NRXN1: variants seen among roughly 807,000 people sequenced by gnomAD.
NRXN1 encodes the protein neurexin-1.
In NRXN1, 39 loss-of-function variants were observed where a neutral mutation model predicts 150.9. That is an observed-to-expected ratio of 0.26 (90% CI 0.20 to 0.34). The LOEUF is 0.34. Ranked by LOEUF, NRXN1 falls within the 10% of genes least tolerant of loss-of-function variation. The probability of loss-of-function intolerance (pLI) is 1.00; values close to 1 mark genes in which losing one functional copy is unlikely to be tolerated. For missense variants in NRXN1, 1,815 were observed against 1,949.9 expected (o/e 0.93, Z 1.30); for synonymous variants, 924 against 757.0 (o/e 1.22, Z -3.62).
At chr2:50,971,899 C>T (rs1487286222) in intron 2 of NRXN1, among the ~76,000 whole-genome samples, 1 of 152,132 alleles carries the variant, frequency 6.6e-6, no homozygotes, top group African/African-American at 2.4e-5. Context: ...CCATTGCTTA[C>T]TCTACCAGTT....
chr2:50,475,727 T>C (rs2089934444), intron 15 of NRXN1, among the ~76,000 whole-genome samples: 1 of 152,068 alleles, frequency 6.6e-6, no homozygotes, highest in South Asian at 2.1e-4. Context: ...TATAAACTCT[T>C]TGATATAGCA....
intron 17 of NRXN1, among the ~76,000 whole-genome samples, chr2:50,330,381 C>T (rs1316007094): frequency 1.3e-5 from 2 of 152,016 alleles, no homozygotes; most frequent in Admixed American, 6.6e-5. Context: ...TTAAAGAGTT[C>T]GACAGAAAGA....
In NRXN1 at chr2:50,497,536, C is replaced by T; in HGVS notation, c.2676G>A (p.Glu892=). 6.2e-7 allele frequency: 1 copy of T among 1,613,874 alleles called. No homozygotes were observed. The highest frequency in any genetic ancestry group is 8.5e-7 in the Non-Finnish European group (1 of 1,179,854). Residue 892 remains glutamate (E), a synonymous_variant, in exon 14 of 23, where the codon GAG becomes GAA. Coordinates refer to ENST00000401669, the MANE Select transcript of NRXN1 (RefSeq NM_001330078.2). ...TCCTGAAGCCAAATCTGGCATTAAGCTCACAGTAATCTATGTCGCCATTTT... is the reference window on the plus strand; with the variant it reads ...TCCTGAAGCCAAATCTGGCATTAAGTTCACAGTAATCTATGTCGCCATTTT... The part of the protein sequence containing the change: ...LCKNGDIDYC[E]LNARFGFRNI...
At chr2:50,242,723 G>A (rs573395570) in intron 17 of NRXN1, among the ~76,000 whole-genome samples, 55 of 151,702 alleles carry the variant, frequency 3.6e-4, no homozygotes, top group Non-Finnish European at 6.6e-4. Flanking sequence ...GCCAGGAAAA[G>A]AAAAAGAAAA....
At chr2:50,876,396 C>T (rs1678597036) in intron 5 of NRXN1, among the ~76,000 whole-genome samples, 1 of 151,710 alleles carries the variant, frequency 6.6e-6, no homozygotes, top group Admixed American at 6.6e-5. Context: ...TTTAAAAACA[C>T]AATTATTTAC....
intron 17 of NRXN1, among the ~76,000 whole-genome samples, chr2:50,441,858 A>G (rs766365247): frequency 6.6e-6 from 1 of 152,204 alleles, no homozygotes; most frequent in African/African-American, 2.4e-5. Context: ...TTTCCTGCCC[A>G]TAAGGCAGAT....
Position 50,925,485 on chromosome 2 carries a change from C to A in NRXN1, c.790+453G>T, listed in dbSNP as rs560870665. ...CTTATACTCAGTACTTTATTGCATT[C>A]TTTTTATACATCCAATCATTTTAAA... On this transcript the variant is annotated intron_variant, in intron 3 of 22. Coordinates refer to ENST00000401669, the MANE Select transcript of NRXN1 (RefSeq NM_001330078.2). Among the ~76,000 whole-genome samples, 3 of 151,890 alleles carry A rather than the reference C, an allele frequency of 2.0e-5. No individual in the cohort carries two copies. In the East Asian group the frequency reaches 5.8e-4, roughly 29 times the overall value.
rs549803258 is a variant in NRXN1, at chr2:50,925,101, T to C, written c.790+837A>G. ...TTAATGCTGTGAATATATAAGTTGATAGAACATATATAATTTGATAAAACC... is the reference window on the plus strand; with the variant it reads ...TTAATGCTGTGAATATATAAGTTGACAGAACATATATAATTTGATAAAACC... On this transcript the variant is annotated intron_variant, in intron 3 of 22. Coordinates refer to ENST00000401669, the MANE Select transcript of NRXN1 (RefSeq NM_001330078.2). Among the ~76,000 whole-genome samples, 45 of 151,994 alleles carry C rather than the reference T, an allele frequency of 3.0e-4. 1 individual carries two copies. The South Asian group carries it at 8.5e-3, about 29-fold the overall frequency.
rs185821653 is a variant in NRXN1 at position 50,809,175 on chromosome 2, G to A, written c.832+112694C>T. Among the ~76,000 whole-genome samples the A allele has an allele frequency of 2.2e-4, 33 of 152,182 alleles. No individual in the cohort carries two copies. In the East Asian group the frequency reaches 3.5e-3, roughly 16 times the overall value. The stretch of plus-strand genomic sequence containing the variant: ...TATCAATAATCAGAGATGCTACGAA[G>A]TTGTTAGAATGAGCTAGGTGTAGCC... On this transcript the variant is annotated intron_variant, in intron 5 of 22. Transcript: ENST00000401669.
intron 17 of NRXN1, among the ~76,000 whole-genome samples, chr2:50,317,941 ATATCT>A (rs1365181490): frequency 6.6e-6 from 1 of 152,052 alleles, no homozygotes; most frequent in Non-Finnish European, 1.5e-5. Context: ...GTAGAAAAGT[ATATCT>A]TAAACAGGAT....
At chr2:50,004,142 A>G (rs904443808) in intron 21 of NRXN1, among the ~76,000 whole-genome samples, 10 of 152,094 alleles carry the variant, frequency 6.6e-5, no homozygotes, top group African/African-American at 1.9e-4. Flanking sequence ...GATAGGCAGG[A>G]GTTAGATCAT....
chr2:50,758,180 G>C (rs2105365985), intron 5 of NRXN1: 1 of 151,944 alleles, frequency 6.6e-6, no homozygotes, highest in Admixed American at 6.6e-5. Flanking sequence ...CCAACGCAGA[G>C]ACCAGACCCA....
chr2:50,760,133 T>C (rs539642512), intron 5 of NRXN1, among the ~76,000 whole-genome samples: 91 of 151,938 alleles, frequency 6.0e-4, no homozygotes, highest in African/African-American at 1.8e-3. Flanking sequence ...AACATGTCAA[T>C]TGTTATGATT....
chr2:50,765,420 C>T (rs1206679573), intron 5 of NRXN1, among the ~76,000 whole-genome samples: 1 of 152,056 alleles, frequency 6.6e-6, no homozygotes, highest in Non-Finnish European at 1.5e-5. Flanking sequence ...TCACCACCTA[C>T]GTGTTTCTCT....
chr2:50,593,304 T>C (rs1278115932), intron 8 of NRXN1, among the ~76,000 whole-genome samples: 39 of 152,212 alleles, frequency 2.6e-4, no homozygotes, highest in Admixed American at 2.4e-3. Flanking sequence ...TACTTCTGCA[T>C]TGACAAATGA....
chr2:50,627,122 C>T (rs1172886507), intron 5 of NRXN1, among the ~76,000 whole-genome samples: 2 of 151,752 alleles, frequency 1.3e-5, no homozygotes, highest in African/African-American at 4.8e-5. Flanking sequence ...GAAAGTCATT[C>T]TTATATACTG....
chr2:50,470,071 C>T (rs1474431588), intron 16 of NRXN1, among the ~76,000 whole-genome samples: 1 of 151,638 alleles, frequency 6.6e-6, no homozygotes, highest in African/African-American at 2.4e-5. Context: ...TTGGGTATAT[C>T]TGCCTGCTCT....
chr2:50,794,981 A>G (rs1212582657), intron 5 of NRXN1, among the ~76,000 whole-genome samples: 1 of 152,132 alleles, frequency 6.6e-6, no homozygotes, highest in African/African-American at 2.4e-5. Flanking sequence ...TAAACCTAAA[A>G]GAACTATATT....
At chr2:50,148,926 A>T (rs1157078087) in intron 18 of NRXN1, among the ~76,000 whole-genome samples, 1 of 151,708 alleles carries the variant, frequency 6.6e-6, no homozygotes, top group African/African-American at 2.4e-5. Context: ...TTCTTTTGGT[A>T]TGGGGGTGCC....
Sources: allele counts gnomAD v4.1 joint callset (sites outside exome capture counted in the v4.1 genomes callset), GRCh38; gene constraint gnomAD v4.1.1; transcripts MANE v1.5; gene names NCBI Gene and HGNC (gene_info 2026-07-23, HGNC 2026-07-21).